The following HYOU1 variants were observed in gnomAD, a reference collection of about 807,000 sequenced individuals.
HYOU1 encodes hypoxia up-regulated 1.
A neutral mutation model predicts 120.5 loss-of-function variants in HYOU1; 40 were observed. The ratio of observed to expected loss-of-function variants is 0.33; its 90% CI spans 0.26 to 0.43. The LOEUF is 0.43. Ranked by LOEUF, HYOU1 falls within the 20% of genes least tolerant of loss-of-function variation. The pLI, the probability that HYOU1 is intolerant of heterozygous loss-of-function variation, is 1.00. For missense variants in HYOU1, 1,085 were observed against 1,278.3 expected, an observed-to-expected ratio of 0.85 and a Z score of 2.31; for synonymous variants, 501 against 479.4, an observed-to-expected ratio of 1.05 and a Z score of -0.59.
rs953586066 is a variant in HYOU1 at position 119,044,501 on chromosome 11, C to T, written c.*1092G>A. ...CTCCCTAGGCGTAGGTATGGTGGGT[C>T]GGGGGCCCCCAACCTAGCAGAGTGA... On this transcript the variant is annotated 3_prime_UTR_variant, in exon 26 of 26. Transcript: ENST00000617285. 2.1e-4 allele frequency: 32 copies of T among 152,730 alleles called. No homozygotes were observed. Among genetic ancestry groups the T allele is most frequent in the African/African-American group, 6.8e-4 (28 of 41,416 alleles). 9.5% of individuals were successfully genotyped at this position (152,730 alleles called of 1,614,324 possible).
rs2133606240 is a variant in HYOU1, at chr11:119,054,610, C to G, written c.562G>C (p.Val188Leu). Residue 188 changes from valine to leucine, a missense_variant, in exon 7 of 26, where the codon GTG (valine) becomes CTG (leucine). Around this residue, in one of 4 missense-constraint regions of HYOU1, gnomAD observed 515 missense variants for 677.8 expected, o/e 0.76. Transcript: ENST00000617285. ...VFFNQAERRA[V>L]LQAARMAGLK... Reference sequence around the variant, plus strand: ...CCAGCCATACGAGCAGCCTGCAGCACAGCTCGGCGCTCGGCCTGGTTGAAG... The same window carrying G: ...CCAGCCATACGAGCAGCCTGCAGCAGAGCTCGGCGCTCGGCCTGGTTGAAG... The G allele has an allele frequency of 6.2e-7, 1 of 1,614,168 alleles. No individual in the cohort carries two copies. Among genetic ancestry groups the G allele is most frequent in the Non-Finnish European group, 8.5e-7 (1 of 1,180,038 alleles).
chr11:119,051,462 C>T lies in HYOU1; in HGVS notation c.1502G>A (p.Gly501Asp), dbSNP rs1416941227. 1.2e-5 allele frequency: 19 copies of T among 1,614,128 alleles called. No homozygotes were observed. The highest frequency in any genetic ancestry group is 8.8e-5 in the South Asian group (8 of 91,076). Residue 501 changes from glycine (G) to aspartate (D), a missense_variant, in exon 13 of 26, where the codon GGC becomes GAC. Physicochemically the swap from Gly to Asp is moderately conservative, Grantham distance 94. Transcript: ENST00000617285. This position sits in a 1 kb window ranked among gnomAD's most constrained non-coding sequence, Gnocchi z 4.2. ...CCGAAGATCTTCAGGCCCCAGGAAG[C>T]CCAGGTCGCCGTAGTTGATGTGGAA... ...FNFHINYGDLGFLGPEDLRVF... is the reference protein window; with the variant it reads ...FNFHINYGDLDFLGPEDLRVF...
chr11:119,046,550 C>T lies in HYOU1; in HGVS notation c.2836+12G>A, dbSNP rs2133550857. On this transcript the variant is annotated intron_variant, in intron 23 of 25. Coordinates refer to ENST00000617285, the MANE Select transcript of HYOU1 (RefSeq NM_006389.5). The stretch of plus-strand genomic sequence containing the variant: ...GTCCAGCAGAACATGCAGCCAGGTA[C>T]CCTGTTCTCACCTGCTGGAGGGATG... 13 of 1,613,710 alleles carry T rather than the reference C, an allele frequency of 8.1e-6. No individual in the cohort carries two copies. Among genetic ancestry groups the T allele is most frequent in the African/African-American group, 5.3e-5 (4 of 74,914 alleles).
At chr11:119,047,887 G>A (rs1366091320) in intron 21 of HYOU1, 60 bp downstream of exon 21, 1 of 1,613,220 alleles carries the variant, frequency 6.2e-7, no homozygotes, top group Non-Finnish European at 8.5e-7. Flanking sequence ...GTGGGAAGCT[G>A]GTAGGAATGA....
Position 119,045,015 on chromosome 11 carries a change from GC to G in HYOU1, c.*577del. ...AGAACTGCCCAATTTGCTGCAGGAA[GC>G]CAAGGAAACCCAGGGGGAAAGGAGC... is the stretch of plus-strand genomic sequence containing the variant. On this transcript the variant is annotated 3_prime_UTR_variant, in exon 26 of 26. Coordinates refer to ENST00000617285, the MANE Select transcript of HYOU1 (RefSeq NM_006389.5). 4.7e-6 allele frequency: 2 copies of G among 426,364 alleles called. No homozygotes were observed. Among genetic ancestry groups the G allele is most frequent in the Non-Finnish European group, 9.8e-6 (2 of 203,600 alleles). 26.4% of individuals were successfully genotyped at this position (426,364 alleles called of 1,614,324 possible). A position where few individuals can be genotyped will look rare whatever the true frequency, so the allele number is the denominator to read the frequency against.
intron 1 of HYOU1, chr11:119,056,431 G>A (rs957738631): frequency 7.1e-5 from 39 of 551,190 alleles, no homozygotes; most frequent in Non-Finnish European, 1.2e-4. Context: ...AACAGGACAA[G>A]AGAAAGGAGA....
In HYOU1 at chr11:119,055,190, G is replaced by T; in HGVS notation, c.414C>A (p.Ile138=). Residue 138 remains isoleucine (I), a synonymous_variant, in exon 5 of 26, where the codon ATC becomes ATA. Coordinates refer to ENST00000617285, the MANE Select transcript of HYOU1 (RefSeq NM_006389.5). The surrounding 1 kb of genome is among the most constrained non-coding windows in gnomAD (Gnocchi z 4.0). The stretch of plus-strand genomic sequence containing the variant: ...TTCCCCAACAGAGCACTCACGAGCT[G>T]ATCTGAAAGTGCACAGTCTGCCTCT... ...DPQRQTVHFQ[I]SSQLQFSPEE... 1 of 1,613,434 alleles carries T rather than the reference G, an allele frequency of 6.2e-7. No homozygotes were observed. Among genetic ancestry groups the T allele is most frequent in the Non-Finnish European group, 8.5e-7 (1 of 1,179,504 alleles).
At position 119,044,796 on chromosome 11, in the gene HYOU1, T is replaced by G. The variant is rs541682854; in HGVS notation, c.*797A>C. The G allele has an allele frequency of 2.6e-5, 6 of 231,632 alleles. No individual in the cohort carries two copies. In the South Asian group the frequency reaches 2.8e-4, roughly 11 times the overall value. 14.3% of individuals were successfully genotyped at this position (231,632 alleles called of 1,614,324 possible). A position where few individuals can be genotyped will look rare whatever the true frequency, so the allele number is the denominator to read the frequency against. On this transcript the variant is annotated 3_prime_UTR_variant, in exon 26 of 26. Transcript: ENST00000617285. ...ACCAGGCTGCTGGGAAGATGCAGAT[T>G]ATGACAGAGCTTGCACGATGCTGGC... is the stretch of plus-strand genomic sequence containing the variant.
rs1023668547 is a variant in HYOU1 at position 119,051,250 on chromosome 11, C to T, written c.1527-77G>A. The T allele has an allele frequency of 5.0e-6, 8 of 1,585,022 alleles. No individual in the cohort carries two copies. In the African/African-American group the frequency reaches 9.4e-5, roughly 19 times the overall value. Reference sequence around the variant, plus strand: ...CCCTCTAGACTACATGGCCTCCTGGCACAAGGTGTCAGGGGCACTCCCCAA... The same window carrying T: ...CCCTCTAGACTACATGGCCTCCTGGTACAAGGTGTCAGGGGCACTCCCCAA... On this transcript the variant is annotated intron_variant, in intron 13 of 25. Transcript: ENST00000617285. The surrounding 1 kb of genome is among the most constrained non-coding windows in gnomAD (Gnocchi z 4.2).
chr11:119,056,122 T>G lies in HYOU1; in HGVS notation c.39A>C (p.Arg13=), dbSNP rs572301385. The G allele has an allele frequency of 6.2e-7, 1 of 1,614,058 alleles. No homozygotes were observed. The highest frequency in any genetic ancestry group is 1.1e-5 in the South Asian group (1 of 91,078). Residue 13 remains arginine, a synonymous_variant, in exon 2 of 26, where the codon CGA becomes CGC. Transcript: ENST00000617285. ...GCACAGCCACCAAGGCCCAACAGACTCGCCTCCTCGGCCTCTGCCTCCTAA... is the reference window on the plus strand; with the variant it reads ...GCACAGCCACCAAGGCCCAACAGACGCGCCTCCTCGGCCTCTGCCTCCTAA... ...DKVRRQRPRR[R]VCWALVAVLL...
In HYOU1 at chr11:119,048,983, T is replaced by A. The variant is rs781967316; in HGVS notation, c.1992+35A>T. ...GGCAGGCGCCTGCTCCCTTAGCCTCTGGATCCACACTGGCCTTCCTCTGCC... is the reference window on the plus strand; with the variant it reads ...GGCAGGCGCCTGCTCCCTTAGCCTCAGGATCCACACTGGCCTTCCTCTGCC... On this transcript the variant is annotated intron_variant, in intron 17 of 25. Coordinates refer to ENST00000617285, the MANE Select transcript of HYOU1 (RefSeq NM_006389.5). This position sits in a 1 kb window ranked among gnomAD's most constrained non-coding sequence, Gnocchi z 4.7. 1.2e-6 allele frequency: 2 copies of A among 1,613,150 alleles called. No homozygotes were observed. The highest frequency in any genetic ancestry group is 1.7e-6 in the Non-Finnish European group (2 of 1,179,246).
chr11:119,052,902 T>C lies in HYOU1; in HGVS notation c.795-73A>G. 7.3e-7 allele frequency: 1 copy of C among 1,365,932 alleles called. No individual in the cohort carries two copies. The highest frequency in any genetic ancestry group is 1.0e-6 in the Non-Finnish European group (1 of 1,003,070). 84.6% of individuals were successfully genotyped at this position (1,365,932 alleles called of 1,614,324 possible). A position where few individuals can be genotyped will look rare whatever the true frequency, so the allele number is the denominator to read the frequency against. ...CCCGCATCTGCACAGGAGCCTCTCA[T>C]CCCCACATGGCACCTTTCCTTCATC... On this transcript the variant is annotated intron_variant, in intron 8 of 25. Transcript: ENST00000617285. The surrounding 1 kb of genome is among the most constrained non-coding windows in gnomAD (Gnocchi z 5.0).
intron 22 of HYOU1, 149 bp from the exon 23 acceptor site, chr11:119,046,951 C>A: frequency 9.9e-7 from 1 of 1,013,818 alleles, no homozygotes; most frequent in Admixed American, 2.7e-5. Flanking sequence ...CTAACAGACT[C>A]CTCAGAAGGG....
chr11:119,051,017 G>GTATC lies in HYOU1; in HGVS notation c.1665+14_1665+17dup. 6.2e-6 allele frequency: 10 copies of GTATC among 1,614,056 alleles called. No individual in the cohort carries two copies. In the African/African-American group the frequency reaches 9.3e-5, roughly 15 times the overall value. On this transcript the variant is annotated intron_variant, in intron 14 of 25. Coordinates refer to ENST00000617285, the MANE Select transcript of HYOU1 (RefSeq NM_006389.5). The surrounding 1 kb of genome is among the most constrained non-coding windows in gnomAD (Gnocchi z 4.2). ...CCTGAGCCCCTGCTCTGCACACAGG[G>GTATC]TATCCTTTAGCTCTCACCCTGTCTA... is the stretch of plus-strand genomic sequence containing the variant.
Position 119,051,530 on chromosome 11 carries a change from T to C in HYOU1, c.1434A>G (p.Gln478=). ...AGCGGTTAAAGGTGATGACTTTGCGTTGAGGGTAGGGCCCCATCCGAGAGA... is the reference window on the plus strand; with the variant it reads ...AGCGGTTAAAGGTGATGACTTTGCGCTGAGGGTAGGGCCCCATCCGAGAGA... ...VLFSRMGPYP[Q]RKVITFNRYS... is the part of the protein sequence containing the mutation. The change falls in exon 13 of 26, where the codon CAA becomes CAG. Residue 478 remains glutamine, a synonymous_variant. Coordinates refer to ENST00000617285, the MANE Select transcript of HYOU1 (RefSeq NM_006389.5). The surrounding 1 kb of genome is among the most constrained non-coding windows in gnomAD (Gnocchi z 4.2). 1 of 1,614,168 alleles carries C rather than the reference T, an allele frequency of 6.2e-7. No individual in the cohort carries two copies. Among genetic ancestry groups the C allele is most frequent in the Non-Finnish European group, 8.5e-7 (1 of 1,180,026 alleles).
intron 22 of HYOU1, 104 bp downstream of exon 22, chr11:119,047,630 G>A: frequency 1.1e-6 from 1 of 944,234 alleles, no homozygotes. Flanking sequence ...CAGGTTAGAT[G>A]CTAAGCCAGG....
At chr11:119,053,170 T>G (rs1041657933) in intron 8 of HYOU1, 2 of 255,322 alleles carry the variant, frequency 7.8e-6, no homozygotes, top group Non-Finnish European at 1.5e-5. Flanking sequence ...CTACGTCACA[T>G]GTTGTAAAGG....
rs2133586284 is a variant in HYOU1 at position 119,051,614 on chromosome 11, C to A, written c.1350G>T (p.Thr450=). 9.3e-6 allele frequency: 15 copies of A among 1,613,926 alleles called. No homozygotes were observed. Among genetic ancestry groups the A allele is most frequent in the Non-Finnish European group, 1.1e-5 (13 of 1,180,020 alleles). The part of the protein sequence containing the change: ...AVVYPILVEF[T]REVEEEPGIH... Reference sequence around the variant, plus strand: ...TCCCAGGCTCCTCCTCCACCTCCCTCGTGAACTCCACCTACACAGCAGGCA... The same window carrying A: ...TCCCAGGCTCCTCCTCCACCTCCCTAGTGAACTCCACCTACACAGCAGGCA... Residue 450 remains threonine, a synonymous_variant, in exon 13 of 26, where the codon ACG becomes ACT. Transcript: ENST00000617285. This position sits in a 1 kb window ranked among gnomAD's most constrained non-coding sequence, Gnocchi z 4.2.
chr11:119,052,901 A>C lies in HYOU1; in HGVS notation c.795-72T>G. ...CCCCGCATCTGCACAGGAGCCTCTC[A>C]TCCCCACATGGCACCTTTCCTTCAT... On this transcript the variant is annotated intron_variant, in intron 8 of 25. Transcript: ENST00000617285. The surrounding 1 kb of genome is among the most constrained non-coding windows in gnomAD (Gnocchi z 5.0). 4.3e-5 allele frequency: 59 copies of C among 1,374,112 alleles called. No individual in the cohort carries two copies. The highest frequency in any genetic ancestry group is 5.4e-5 in the Non-Finnish European group (55 of 1,009,272). The allele number at this position is 1,374,112 out of a possible 1,614,324, so 85.1% of individuals were successfully genotyped here. A position where few individuals can be genotyped will look rare whatever the true frequency, so the allele number is the denominator to read the frequency against.
Sources: allele counts gnomAD v4.1 joint callset, GRCh38; gene constraint gnomAD v4.1.1; regional missense constraint gnomAD v4.1.1; non-coding constraint Gnocchi (gnomAD v3.1); transcripts MANE v1.5; gene names NCBI Gene and HGNC (gene_info 2026-07-23, HGNC 2026-07-21).